Variants in COG4 observed in about 807,000 individuals in gnomAD.
COG4 encodes the protein conserved oligomeric Golgi complex subunit 4.
In COG4, 65 loss-of-function variants were observed where a neutral mutation model predicts 95.1. The ratio of observed to expected loss-of-function variants is 0.68; its 90% CI spans 0.56 to 0.84. COG4 has a LOEUF of 0.84. Among genes scored for constraint, COG4 ranks in the 40% least tolerant of loss-of-function variants. COG4 has a pLI of 0.00. For missense variants in COG4, 1,045 were observed against 989.1 expected, an observed-to-expected ratio of 1.06 and a Z score of -0.76; for synonymous variants, 421 against 374.8, an observed-to-expected ratio of 1.12 and a Z score of -1.42.
intron 8 of COG4, among the ~76,000 whole-genome samples, chr16:70,505,785 C>T (rs751745969): frequency 9.2e-5 from 14 of 151,368 alleles, no homozygotes; most frequent in Non-Finnish European, 1.0e-4. Flanking sequence ...GCCGAGATAG[C>T]GCCACTGCAC....
chr16:70,506,583 G>A (rs868083108), intron 8 of COG4, among the ~76,000 whole-genome samples: 22 of 95,396 alleles, frequency 2.3e-4, no homozygotes, highest in Middle Eastern at 0.021. Flanking sequence ...GCAACAGAGC[G>A]AGACTGCCTC....
rs546453727 is a variant in COG4 at position 70,510,655 on chromosome 16, G to A, written c.739-634C>T. On this transcript the variant is annotated intron_variant, in intron 5 of 18. Transcript: ENST00000323786. ...TCATTAACAGTGCTTTCTCAAGCACGACAAAACCTGGGTACTGCAGAAGGG... is the reference window on the plus strand; with the variant it reads ...TCATTAACAGTGCTTTCTCAAGCACAACAAAACCTGGGTACTGCAGAAGGG... 1.6e-3 allele frequency among the ~76,000 whole-genome samples: 249 copies of A among 152,042 alleles called. 1 individual carries two copies. Among genetic ancestry groups the A allele is most frequent in the African/African-American group, 5.6e-3 (233 of 41,468 alleles).
chr16:70,490,502 C>A (rs1009596137), intron 12 of COG4, 110 bp from the exon 13 acceptor site: 8 of 881,992 alleles, frequency 9.1e-6, no homozygotes, highest in Non-Finnish European at 1.5e-5. Context: ...GAAGGGCTGG[C>A]TGGAGTTCAG....
At chr16:70,494,055 G>A (rs2049294931) in intron 12 of COG4, among the ~76,000 whole-genome samples, 1 of 152,196 alleles carries the variant, frequency 6.6e-6, no homozygotes, top group Non-Finnish European at 1.5e-5. Flanking sequence ...AGCCAGTGCT[G>A]AAAGTCATGA....
intron 4 of COG4, among the ~76,000 whole-genome samples, chr16:70,512,942 C>T (rs1597686662): frequency 6.6e-6 from 1 of 152,158 alleles, no homozygotes; most frequent in Admixed American, 6.5e-5. Context: ...CATGCCACTG[C>T]ACTCCAGCCG....
chr16:70,508,627 C>T, intron 7 of COG4, 163 bp from the exon 8 acceptor site: 2 of 708,810 alleles, frequency 2.8e-6, no homozygotes, highest in South Asian at 1.5e-5. Context: ...GATGACAGGC[C>T]AAAGATTTGT....
chr16:70,490,452 A>G (rs1053745450), intron 12 of COG4, 60 bp from the exon 13 acceptor site: 6 of 1,357,762 alleles, frequency 4.4e-6, no homozygotes, highest in South Asian at 3.5e-5. Flanking sequence ...ACCCACTCCA[A>G]TGCCAGACTG....
At chr16:70,492,640 A>G (rs1225864805) in intron 12 of COG4, among the ~76,000 whole-genome samples, 1 of 150,402 alleles carries the variant, frequency 6.6e-6, no homozygotes, top group Non-Finnish European at 1.5e-5. Context: ...CAGCCTGTGC[A>G]ACAACAGCAA....
In COG4 at chr16:70,481,238, A is replaced by G; in HGVS notation, c.2236-94T>C. 8 of 1,607,866 alleles carry G rather than the reference A, an allele frequency of 5.0e-6. No homozygotes were observed. In the Middle Eastern group the frequency reaches 1.3e-3, roughly 268 times the overall value. Reference sequence around the variant, plus strand: ...CAGGGGCAGAGCAGGGGCACCCGGGAAGGGGAAGGTGTCCTATAGAGCTGG... The same window carrying G: ...CAGGGGCAGAGCAGGGGCACCCGGGGAGGGGAAGGTGTCCTATAGAGCTGG... On this transcript the variant is annotated intron_variant, in intron 18 of 18. Transcript: ENST00000323786.
chr16:70,502,727 A>C (rs549236321), intron 8 of COG4, among the ~76,000 whole-genome samples: 2 of 152,364 alleles, frequency 1.3e-5, no homozygotes, highest in African/African-American at 4.8e-5. Flanking sequence ...CCTGATGAAT[A>C]GCCAAAATAA....
chr16:70,513,123 A>G (rs1190371916), intron 4 of COG4, among the ~76,000 whole-genome samples: 1 of 152,252 alleles, frequency 6.6e-6, no homozygotes, highest in Non-Finnish European at 1.5e-5. Flanking sequence ...AGGGAATGAA[A>G]GACATGAATA....
chr16:70,514,864 C>T (rs1036750916), intron 3 of COG4, among the ~76,000 whole-genome samples: 4 of 151,534 alleles, frequency 2.6e-5, no homozygotes, highest in Admixed American at 2.6e-4. Context: ...AGGCATGTGC[C>T]ACCATGCCTG....
intron 7 of COG4, chr16:70,508,945 T>C (rs2049638435): frequency 1.8e-6 from 1 of 543,928 alleles, no homozygotes; most frequent in Admixed American, 2.7e-5. Context: ...GAGGGCACTG[T>C]TGCACATTTT....
intron 1 of COG4, among the ~76,000 whole-genome samples, 160 bp from the exon 2 acceptor site, chr16:70,519,891 T>G (rs1465311088): frequency 1.3e-5 from 2 of 152,254 alleles, no homozygotes; most frequent in African/African-American, 4.8e-5. Context: ...TTTGCACTTA[T>G]GTTGCATGAT....
chr16:70,512,435 GCT>G lies in COG4; in HGVS notation c.545-5_545-4del. On this transcript the variant is annotated splice_region_variant and splice_polypyrimidine_tract_variant and intron_variant, in intron 4 of 18. Transcript: ENST00000323786. ...CAGGTTGGCATCAATCATGCTCCCT[GCT>G]CAACAGGGAGAAAATGAAAATTCAA... 1.2e-6 allele frequency: 2 copies of G among 1,612,800 alleles called. No homozygotes were observed. Among genetic ancestry groups the G allele is most frequent in the Non-Finnish European group, 1.7e-6 (2 of 1,179,136 alleles).
intron 8 of COG4, among the ~76,000 whole-genome samples, chr16:70,502,601 TAA>T (rs59126839): frequency 1.4e-5 from 2 of 140,806 alleles, no homozygotes; most frequent in Non-Finnish European, 3.1e-5. Context: ...AACTCCGTCT[TAA>T]AAAAAAAAAA....
rs1391697680 is a variant in COG4 at position 70,498,065 on chromosome 16, A to G, written c.1196-10T>C. 5.1e-6 allele frequency: 8 copies of G among 1,555,552 alleles called. No individual in the cohort carries two copies. Among genetic ancestry groups the G allele is most frequent in the East Asian group, 2.2e-5 (1 of 44,568 alleles). Reference sequence around the variant, plus strand: ...AGACACTTCTGGTGCTCTAGGGGACAGCCAAGAAAGGAATACTCATTTTTT... The same window carrying G: ...AGACACTTCTGGTGCTCTAGGGGACGGCCAAGAAAGGAATACTCATTTTTT... On this transcript the variant is annotated splice_polypyrimidine_tract_variant and intron_variant, in intron 9 of 18. Transcript: ENST00000323786.
In COG4 at chr16:70,523,390, G is replaced by T. The variant is rs372834444; in HGVS notation, c.154C>A (p.Arg52=). The T allele has an allele frequency of 1.2e-6, 2 of 1,613,992 alleles. No homozygotes were observed. The highest frequency in any genetic ancestry group is 1.7e-6 in the Non-Finnish European group (2 of 1,180,022). ...ELQELEAVYE[R]LCGEEKVVER... is the part of the protein sequence containing the mutation. ...CCCCGCACCTCCTCGCCGCAGAGCC[G>T]TTCGTATACAGCCTCCAGCTCCTGC... Residue 52 remains arginine, a synonymous_variant, in exon 1 of 19, where the codon CGG becomes AGG. Transcript: ENST00000323786.
At chr16:70,482,329 G>A (rs2049016210) in intron 15 of COG4, 154 bp from the exon 16 acceptor site, 2 of 704,444 alleles carry the variant, frequency 2.8e-6, no homozygotes, top group African/African-American at 1.7e-5. Context: ...AGACACCCAG[G>A]CTGGCAGAAA....
Sources: gnomAD v4.1 joint callset for allele counts (sites outside exome capture counted in the v4.1 genomes callset) on GRCh38, gnomAD v4.1.1 for gene constraint, MANE v1.5 for transcripts, NCBI Gene and HGNC (gene_info 2026-07-23, HGNC 2026-07-21) for gene names.